AGAP1: variants seen among roughly 807,000 people sequenced by gnomAD.
The protein encoded by AGAP1 is ArfGAP with GTPase domain, ankyrin repeat and PH domain 1, also known as arf-GAP with GTPase, ANK repeat and PH domain-containing protein 1.
Under a neutral mutation model 105.3 loss-of-function variants are expected in AGAP1, and 29 were observed. That is an observed-to-expected ratio of 0.28 (90% CI 0.21 to 0.38). The LOEUF (loss-of-function observed/expected upper bound fraction) is 0.38, where lower values mean the gene tolerates loss of function less well. AGAP1 is among the 10% of genes least tolerant of loss of function. The pLI, the probability that AGAP1 is intolerant of heterozygous loss-of-function variation, is 1.00. For missense variants in AGAP1, 998 were observed against 1,165.1 expected, an observed-to-expected ratio of 0.86 and a Z score of 2.09; for synonymous variants, 509 against 485.9, an observed-to-expected ratio of 1.05 and a Z score of -0.63.
chr2:235,541,211 A>G (rs1943422388), intron 1 of AGAP1, among the ~76,000 whole-genome samples: 1 of 152,130 alleles, frequency 6.6e-6, no homozygotes, highest in Non-Finnish European at 1.5e-5. Flanking sequence ...TTGAATGTAC[A>G]GATTAAGGGA....
chr2:235,789,615 T>G lies in AGAP1; in HGVS notation c.674-8144T>G, dbSNP rs1956855685. ...CACAGCCTATTTTAGATTAGAGGGT[T>G]GTTTGCTCAAAAAAAAAATACATAT... is the stretch of plus-strand genomic sequence containing the variant. On this transcript the variant is annotated intron_variant, in intron 6 of 17. Coordinates refer to ENST00000304032, the MANE Select transcript of AGAP1 (RefSeq NM_001037131.3). This position sits in a 1 kb window ranked among gnomAD's most constrained non-coding sequence, Gnocchi z 4.2. Among the ~76,000 whole-genome samples the G allele has an allele frequency of 6.6e-6, 1 of 151,612 alleles. No individual in the cohort carries two copies. Among genetic ancestry groups the G allele is most frequent in the African/African-American group, 2.4e-5 (1 of 41,046 alleles).
At chr2:236,049,517 CT>C (rs2057830305) in intron 16 of AGAP1, 2 of 456,956 alleles carry the variant, frequency 4.4e-6, no homozygotes. Flanking sequence ...TCTCTCCCCC[CT>C]CTTAGAAATG....
rs1943788112 is a variant in AGAP1 at position 235,550,957 on chromosome 2, A to G, written c.163+56108A>G. Among the ~76,000 whole-genome samples, 1 of 152,038 alleles carries G rather than the reference A, an allele frequency of 6.6e-6. No individual in the cohort carries two copies. Among genetic ancestry groups the G allele is most frequent in the African/African-American group, 2.4e-5 (1 of 41,392 alleles). On this transcript the variant is annotated intron_variant, in intron 1 of 17. Coordinates refer to ENST00000304032, the MANE Select transcript of AGAP1 (RefSeq NM_001037131.3). This position sits in a 1 kb window ranked among gnomAD's most constrained non-coding sequence, Gnocchi z 4.6. ...ACCCAGCTAATTTTTGTATTTTAGT[A>G]GAAATGGGGTTTCACCATGTTGGGC...
At chr2:235,683,814 C>CATT (rs1452456570) in intron 1 of AGAP1, among the ~76,000 whole-genome samples, 1 of 151,930 alleles carries the variant, frequency 6.6e-6, no homozygotes, top group African/African-American at 2.4e-5. Context: ...TCGTCATTTA[C>CATT]ATTAGGTAAT....
At position 236,042,593 on chromosome 2, in the gene AGAP1, G is replaced by A. The variant is rs146444542; in HGVS notation, c.1891+1752G>A. On this transcript the variant is annotated intron_variant, in intron 15 of 17. Coordinates refer to ENST00000304032, the MANE Select transcript of AGAP1 (RefSeq NM_001037131.3). This position sits in a 1 kb window ranked among gnomAD's most constrained non-coding sequence, Gnocchi z 5.6. Reference sequence around the variant, plus strand: ...GAAAATGCCTGCAGTTGTTTCCACCGTGCGTCTGAAGGTCGCTTTAAAAGG... The same window carrying A: ...GAAAATGCCTGCAGTTGTTTCCACCATGCGTCTGAAGGTCGCTTTAAAAGG... 9.4e-3 allele frequency among the ~76,000 whole-genome samples: 1,438 copies of A among 152,216 alleles called. 31 individuals carry two copies. Among genetic ancestry groups the A allele is most frequent in the African/African-American group, 0.033 (1,376 of 41,528 alleles).
intron 1 of AGAP1, among the ~76,000 whole-genome samples, chr2:235,646,153 T>C (rs1947375919): frequency 6.6e-6 from 1 of 151,340 alleles, no homozygotes; most frequent in African/African-American, 2.4e-5. Context: ...TGGGTGCCTG[T>C]AATCTGAGCT....
At chr2:235,987,473 T>C (rs931163561) in intron 13 of AGAP1, among the ~76,000 whole-genome samples, 45 of 151,376 alleles carry the variant, frequency 3.0e-4, no homozygotes, top group Admixed American at 1.3e-3. Flanking sequence ...TTGATTTTTT[T>C]CCCCCCCAAA....
intron 13 of AGAP1, among the ~76,000 whole-genome samples, chr2:236,026,690 T>C (rs1333815122): frequency 6.6e-6 from 1 of 151,956 alleles, no homozygotes; most frequent in East Asian, 1.9e-4. Flanking sequence ...GATCATGCCA[T>C]TGCACTCCAG....
chr2:235,771,999 C>CCTTT (rs1955495829), intron 6 of AGAP1, among the ~76,000 whole-genome samples: 2 of 135,106 alleles, frequency 1.5e-5, no homozygotes, highest in Non-Finnish European at 3.2e-5. Context: ...CTTTTCTTAT[C>CCTTT]TTTTTTTTTT....
At chr2:235,952,058 T>C (rs571103973) in intron 12 of AGAP1, among the ~76,000 whole-genome samples, 6 of 152,354 alleles carry the variant, frequency 3.9e-5, no homozygotes, top group African/African-American at 1.2e-4. Flanking sequence ...ATCTTCTCAT[T>C]AACACCACAC....
intron 6 of AGAP1, among the ~76,000 whole-genome samples, chr2:235,778,165 T>C: frequency 6.6e-6 from 1 of 152,166 alleles, no homozygotes; most frequent in East Asian, 1.9e-4. Context: ...TGGGCCACTC[T>C]GACTCCCCTC....
At position 235,737,745 on chromosome 2, in the gene AGAP1, A is replaced by G. The variant is rs1275396714; in HGVS notation, c.311-3218A>G. ...GGGTGGTGACGCTCCCCAAGTTCCC[A>G]CTCCTGGAGAGGTAGGCAGCGAGGG... On this transcript the variant is annotated intron_variant, in intron 3 of 17. Coordinates refer to ENST00000304032, the MANE Select transcript of AGAP1 (RefSeq NM_001037131.3). This position sits in a 1 kb window ranked among gnomAD's most constrained non-coding sequence, Gnocchi z 4.5. Among the ~76,000 whole-genome samples, 1 of 151,244 alleles carries G rather than the reference A, an allele frequency of 6.6e-6. No homozygotes were observed. The highest frequency in any genetic ancestry group is 2.4e-5 in the African/African-American group (1 of 41,100).
intron 13 of AGAP1, among the ~76,000 whole-genome samples, chr2:236,022,336 G>C (rs2056912767): frequency 6.6e-6 from 1 of 152,122 alleles, no homozygotes; most frequent in Non-Finnish European, 1.5e-5. Context: ...CACCTCTGTT[G>C]GACTCTCTTG....
rs1402878111 is a variant in AGAP1 at position 235,660,348 on chromosome 2, T to C, written c.164-48831T>C. ...TTTAGTACAAGTTGACCAACCTTCT[T>C]GTTGGTAACATGACTGAGGCATTAC... On this transcript the variant is annotated intron_variant, in intron 1 of 17. Coordinates refer to ENST00000304032, the MANE Select transcript of AGAP1 (RefSeq NM_001037131.3). This position sits in a 1 kb window ranked among gnomAD's most constrained non-coding sequence, Gnocchi z 5.3. Among the ~76,000 whole-genome samples, 7 of 152,188 alleles carry C rather than the reference T, an allele frequency of 4.6e-5. No individual in the cohort carries two copies. The highest frequency in any genetic ancestry group is 7.3e-5 in the Non-Finnish European group (5 of 68,030).
intron 9 of AGAP1, among the ~76,000 whole-genome samples, chr2:235,811,145 CCTTT>C (rs1013870984): frequency 8.5e-5 from 13 of 152,234 alleles, no homozygotes; most frequent in African/African-American, 2.4e-4. Flanking sequence ...TGTGTGCTCT[CCTTT>C]CTTTCTTTCT....
rs922501885 is a variant in AGAP1 at position 235,740,788 on chromosome 2, T to G, written c.311-175T>G. Among the ~76,000 whole-genome samples the G allele has an allele frequency of 5.3e-5, 8 of 152,232 alleles. No individual in the cohort carries two copies. The highest frequency in any genetic ancestry group is 1.9e-4 in the African/African-American group (8 of 41,460). On this transcript the variant is annotated intron_variant, in intron 3 of 17. Coordinates refer to ENST00000304032, the MANE Select transcript of AGAP1 (RefSeq NM_001037131.3). This position sits in a 1 kb window ranked among gnomAD's most constrained non-coding sequence, Gnocchi z 5.7. ...CACAGGGGTTCTTAAAGACAAACAT[T>G]TAAATCTGAGTTCGGCTCTGTTAAA...
rs749594933 is a variant in AGAP1 at position 235,741,002 on chromosome 2, G to A, written c.350G>A (p.Ser117Asn). Residue 117 changes from serine (S) to asparagine (N), a missense_variant, in exon 4 of 18, where the codon AGC becomes AAC. Coordinates refer to ENST00000304032, the MANE Select transcript of AGAP1 (RefSeq NM_001037131.3). This position sits in a 1 kb window ranked among gnomAD's most constrained non-coding sequence, Gnocchi z 4.9. ...FKKEIVVDGQ[S>N]YLLLIRDEGG... The stretch of plus-strand genomic sequence containing the variant: ...AAAGAGATTGTCGTTGATGGACAGA[G>A]CTATCTGCTGCTGATCAGAGATGAA... 1 of 1,614,204 alleles carries A rather than the reference G, an allele frequency of 6.2e-7. No individual in the cohort carries two copies. Among genetic ancestry groups the A allele is most frequent in the Non-Finnish European group, 8.5e-7 (1 of 1,180,006 alleles).
At chr2:235,950,648 C>A (rs2053692646) in intron 12 of AGAP1, among the ~76,000 whole-genome samples, 1 of 151,942 alleles carries the variant, frequency 6.6e-6, no homozygotes, top group African/African-American at 2.4e-5. Context: ...GATTCTGCTT[C>A]CTGCCGCATC....
In AGAP1 at chr2:235,853,711, A is replaced by G. The variant is rs1430384386; in HGVS notation, c.1051-29634A>G. ...TTCAGCCTCATTTAGGGAGTAAAGTATGATAAGTGCATCTACAAGTGCTGA... is the reference window on the plus strand; with the variant it reads ...TTCAGCCTCATTTAGGGAGTAAAGTGTGATAAGTGCATCTACAAGTGCTGA... On this transcript the variant is annotated intron_variant, in intron 9 of 17. Transcript: ENST00000304032. Among the ~76,000 whole-genome samples, 7 of 152,306 alleles carry G rather than the reference A, an allele frequency of 4.6e-5. 1 individual carries two copies. In the East Asian group the frequency reaches 9.6e-4, roughly 21 times the overall value.
Sources: gnomAD v4.1 joint callset for allele counts (sites outside exome capture counted in the v4.1 genomes callset) on GRCh38, gnomAD v4.1.1 for gene constraint, Gnocchi (gnomAD v3.1) non-coding constraint, MANE v1.5 for transcripts, NCBI Gene and HGNC (gene_info 2026-07-23, HGNC 2026-07-21) for gene names.